LPCAT2: variants seen among roughly 807,000 people sequenced by gnomAD.
LPCAT2 encodes 1-AGP acyltransferase 11.
In LPCAT2, 58 loss-of-function variants were observed where a neutral mutation model predicts 64.7. The ratio of observed to expected loss-of-function variants is 0.90; its 90% CI spans 0.73 to 1.12. LPCAT2 has a LOEUF of 1.12. LPCAT2 is among the 50% of genes most tolerant of loss of function. The pLI is 0.00. For synonymous variants in LPCAT2, 252 were observed against 245.3 expected (o/e 1.03, Z -0.26); for missense variants, 579 against 669.8 (o/e 0.86, Z 1.50).
intron 1 of LPCAT2, among the ~76,000 whole-genome samples, chr16:55,510,716 T>C (rs1962920078): frequency 6.6e-6 from 1 of 152,196 alleles, no homozygotes; most frequent in Admixed American, 6.5e-5. Context: ...CGTTTAAAAA[T>C]GTGATCCTCA....
Position 55,531,901 on chromosome 16 carries a change from C to CT in LPCAT2, c.643-7dup. On this transcript the variant is annotated splice_polypyrimidine_tract_variant and intron_variant, in intron 4 of 13. Transcript: ENST00000262134. The stretch of plus-strand genomic sequence containing the variant: ...TTAGATTGAAATATTAAATCTATTC[C>CT]TTTTTTCCCAAGATACTAGTTTTCC... 2.6e-6 allele frequency: 4 copies of CT among 1,526,160 alleles called. No homozygotes were observed. Among genetic ancestry groups the CT allele is most frequent in the Non-Finnish European group, 2.7e-6 (3 of 1,102,202 alleles). 94.5% of individuals were successfully genotyped at this position (1,526,160 alleles called of 1,614,324 possible).
intron 2 of LPCAT2, among the ~76,000 whole-genome samples, chr16:55,527,812 C>A (rs755998718): frequency 1.3e-5 from 2 of 152,122 alleles, no homozygotes; most frequent in Non-Finnish European, 2.9e-5. Flanking sequence ...TTGATGATAT[C>A]TAAAAACTGT....
intron 1 of LPCAT2, among the ~76,000 whole-genome samples, chr16:55,523,771 G>A (rs1216247086): frequency 6.6e-6 from 1 of 151,846 alleles, no homozygotes; most frequent in Non-Finnish European, 1.5e-5. Flanking sequence ...TTTGGGGAGG[G>A]TGTAGTAATT....
At chr16:55,581,853 G>A (rs992267193) in intron 13 of LPCAT2, among the ~76,000 whole-genome samples, 1 of 152,128 alleles carries the variant, frequency 6.6e-6, no homozygotes, top group African/African-American at 2.4e-5. Flanking sequence ...AGTCCTGATA[G>A]TTAACTAAGT....
At chr16:55,556,001 G>T (rs1210688651) in intron 11 of LPCAT2, among the ~76,000 whole-genome samples, 1 of 152,050 alleles carries the variant, frequency 6.6e-6, no homozygotes, top group Non-Finnish European at 1.5e-5. Flanking sequence ...TTTTAGTAGA[G>T]ACAAGGCTTC....
At chr16:55,549,448 A>C in intron 10 of LPCAT2, 46 bp downstream of exon 10, 1 of 1,512,388 alleles carries the variant, frequency 6.6e-7, no homozygotes, top group South Asian at 1.3e-5. Flanking sequence ...GTTGTCCAAA[A>C]GGGATCTGAA....
rs79873824 is a variant in LPCAT2, at chr16:55,548,530, A to G, written c.936-747A>G. On this transcript the variant is annotated intron_variant, in intron 9 of 13. Transcript: ENST00000262134. ...GCCATTTATCTGTTTATTTTATTTT[A>G]TTTATTTTTTGATATGGGGTTTCCC... is the stretch of plus-strand genomic sequence containing the variant. 1.8e-3 allele frequency among the ~76,000 whole-genome samples: 277 copies of G among 152,060 alleles called. 5 individuals are homozygous for G. In the East Asian group the frequency reaches 0.025, roughly 14 times the overall value.
At chr16:55,567,954 C>G (rs1236361478) in intron 11 of LPCAT2, among the ~76,000 whole-genome samples, 6 of 152,044 alleles carry the variant, frequency 3.9e-5, no homozygotes, top group African/African-American at 1.4e-4. Flanking sequence ...GGTTCAAAAT[C>G]TGTTTTTCTT....
chr16:55,551,881 G>A (rs1313592825), intron 11 of LPCAT2, among the ~76,000 whole-genome samples: 1 of 151,980 alleles, frequency 6.6e-6, no homozygotes, highest in African/African-American at 2.4e-5. Context: ...CCCAGGAGGC[G>A]AGGTTGCAAT....
rs111840396 is a variant in LPCAT2 at position 55,545,179 on chromosome 16, A to G, written c.853-556A>G. 5.0e-3 allele frequency among the ~76,000 whole-genome samples: 759 copies of G among 152,370 alleles called. 4 individuals are homozygous for G. Among genetic ancestry groups the G allele is most frequent in the South Asian group, 7.4e-3 (36 of 4,834 alleles). On this transcript the variant is annotated intron_variant, in intron 8 of 13. Coordinates refer to ENST00000262134, the MANE Select transcript of LPCAT2 (RefSeq NM_017839.5). Reference sequence around the variant, plus strand: ...AAGTAGAATTAAAAATGCTAAAGCAAAAAATGGTGTTAAGCAAAAAAGCTG... The same window carrying G: ...AAGTAGAATTAAAAATGCTAAAGCAGAAAATGGTGTTAAGCAAAAAAGCTG...
intron 8 of LPCAT2, chr16:55,539,675 A>G (rs1963372509): frequency 6.6e-6 from 1 of 152,128 alleles, no homozygotes; most frequent in Admixed American, 6.6e-5. Context: ...GAGCTGGGCC[A>G]TCTCTGAGGC....
Position 55,535,233 on chromosome 16 carries a change from T to A in LPCAT2, c.797+756T>A, listed in dbSNP as rs540663293. 3.3e-5 allele frequency among the ~76,000 whole-genome samples: 5 copies of A among 152,292 alleles called. No individual in the cohort carries two copies. In the East Asian group the frequency reaches 9.6e-4, roughly 29 times the overall value. On this transcript the variant is annotated intron_variant, in intron 7 of 13. Coordinates refer to ENST00000262134, the MANE Select transcript of LPCAT2 (RefSeq NM_017839.5). Reference sequence around the variant, plus strand: ...GTTAAGCACAAAGCTCAGATAACATTGTTGATGGGTAGGTGACAATAACTT... The same window carrying A: ...GTTAAGCACAAAGCTCAGATAACATAGTTGATGGGTAGGTGACAATAACTT...
chr16:55,532,721 C>T (rs1386554236), intron 5 of LPCAT2, 103 bp from the exon 6 acceptor site: 2 of 719,566 alleles, frequency 2.8e-6, no homozygotes, highest in African/African-American at 1.8e-5. Flanking sequence ...GTTACACATA[C>T]TCTTAAAATA....
intron 12 of LPCAT2, among the ~76,000 whole-genome samples, chr16:55,577,764 C>T (rs1963843960): frequency 6.6e-6 from 1 of 152,106 alleles, no homozygotes; most frequent in Non-Finnish European, 1.5e-5. Context: ...CAGTCTCTCC[C>T]TTCCTAAAAT....
chr16:55,573,394 G>GT (rs71379092), intron 11 of LPCAT2, among the ~76,000 whole-genome samples: 58,053 of 147,496 alleles, frequency 0.39, 12,411 homozygotes, highest in Non-Finnish European at 0.48. Flanking sequence ...TTGTTTTTTT[G>GT]TTTTTTTTTT....
At chr16:55,509,989 G>GTCTTTTTTTTTTTTTT (rs1962905233) in intron 1 of LPCAT2, among the ~76,000 whole-genome samples, 1 of 65,206 alleles carries the variant, frequency 1.5e-5, no homozygotes, top group Admixed American at 1.8e-4. Flanking sequence ...ATTTGAAGAA[G>GTCTTTTTTTTTTTTTT]TCTTTTTTTT....
At chr16:55,559,768 G>GAAAAAAA (rs1283846466) in intron 11 of LPCAT2, among the ~76,000 whole-genome samples, 1 of 102,264 alleles carries the variant, frequency 9.8e-6, no homozygotes. Context: ...GATACAATTT[G>GAAAAAAA]AAAAAAAAAA....
rs552126709 is a variant in LPCAT2 at position 55,524,504 on chromosome 16, G to T, written c.172-1004G>T. 3.9e-5 allele frequency among the ~76,000 whole-genome samples: 6 copies of T among 151,932 alleles called. No homozygotes were observed. In the South Asian group the frequency reaches 1.2e-3, roughly 32 times the overall value. ...GTTACATGAGTATATATTTATCAAA[G>T]CTCATTGAATTGTATACTTTAGATC... On this transcript the variant is annotated intron_variant, in intron 1 of 13. Coordinates refer to ENST00000262134, the MANE Select transcript of LPCAT2 (RefSeq NM_017839.5).
In LPCAT2 at chr16:55,532,562, G is replaced by A. The variant is rs145630252; in HGVS notation, c.704-262G>A. 274 of 198,654 alleles carry A rather than the reference G, an allele frequency of 1.4e-3. 1 individual carries two copies. Among genetic ancestry groups the A allele is most frequent in the African/African-American group, 6.2e-3 (264 of 42,726 alleles). The allele number at this position is 198,654 out of a possible 1,614,324, so 12.3% of individuals were successfully genotyped here. A position where few individuals can be genotyped will look rare whatever the true frequency, so the allele number is the denominator to read the frequency against. On this transcript the variant is annotated intron_variant, in intron 5 of 13. Transcript: ENST00000262134. ...ATTAACACTTGGAAAATGAAAAAAA[G>A]TGGAGAAATAAATCAATGAATAAAC...
Sources: gnomAD v4.1 joint callset for allele counts (sites outside exome capture counted in the v4.1 genomes callset) on GRCh38, gnomAD v4.1.1 for gene constraint, MANE v1.5 for transcripts, NCBI Gene and HGNC (gene_info 2026-07-23, HGNC 2026-07-21) for gene names.